Variants in UNC5C observed in about 807,000 individuals in gnomAD.
UNC5C encodes the protein netrin receptor UNC5C.
A neutral mutation model predicts 99.8 loss-of-function variants in UNC5C; 47 were observed. The observed-to-expected ratio is 0.47, with a 90% confidence interval of 0.37 to 0.60. The LOEUF (loss-of-function observed/expected upper bound fraction) is 0.60, where lower values mean the gene tolerates loss of function less well. Among genes scored for constraint, UNC5C ranks in the 20% least tolerant of loss-of-function variants. The pLI, the probability that UNC5C is intolerant of heterozygous loss-of-function variation, is 0.00. For missense variants in UNC5C, 1,062 were observed against 1,165.9 expected (o/e 0.91, Z 1.30); for synonymous variants, 487 against 452.2 (o/e 1.08, Z -0.98).
At chr4:95,229,797 CTTTTTTTTT>C (rs71583694) in intron 7 of UNC5C, among the ~76,000 whole-genome samples, 5 of 79,554 alleles carry the variant, frequency 6.3e-5, no homozygotes, top group Admixed American at 1.3e-4. Flanking sequence ...CTGTTGTTTC[CTTTTTTTTT>C]TTTTTTTTTT....
intron 4 of UNC5C, among the ~76,000 whole-genome samples, chr4:95,259,650 G>A (rs1360200185): frequency 6.6e-6 from 1 of 151,736 alleles, no homozygotes; most frequent in East Asian, 1.9e-4. Context: ...TGCTTTATAG[G>A]TATTAACATT....
chr4:95,340,059 G>A (rs1239898491), intron 1 of UNC5C, among the ~76,000 whole-genome samples: 1 of 151,746 alleles, frequency 6.6e-6, no homozygotes, highest in Non-Finnish European at 1.5e-5. Flanking sequence ...GGCTTTTGCT[G>A]TTTCATTTAT....
rs932478157 is a variant in UNC5C, at chr4:95,322,668, G to T, written c.346+12742C>A. 3.3e-5 allele frequency among the ~76,000 whole-genome samples: 5 copies of T among 152,030 alleles called. No homozygotes were observed. In the East Asian group the frequency reaches 9.6e-4, roughly 29 times the overall value. Reference sequence around the variant, plus strand: ...AATGGTTGAATATTGGCCAGGCACGGTGGCTCACACCTATAATCCCAGCAC... The same window carrying T: ...AATGGTTGAATATTGGCCAGGCACGTTGGCTCACACCTATAATCCCAGCAC... On this transcript the variant is annotated intron_variant, in intron 2 of 15. Transcript: ENST00000453304.
In UNC5C at chr4:95,301,671, C is replaced by T; in HGVS notation, c.425G>A (p.Cys142Tyr). The T allele has an allele frequency of 6.2e-7, 1 of 1,613,756 alleles. No homozygotes were observed. The change falls in exon 3 of 16, where the codon TGC becomes TAC. Residue 142 changes from cysteine to tyrosine, a missense_variant. Around this residue, in one of 3 missense-constraint regions of UNC5C, gnomAD observed 249 missense variants for 295.1 expected, o/e 0.84. Coordinates refer to ENST00000453304, the MANE Select transcript of UNC5C (RefSeq NM_003728.4). ...CGCGGAGCTCCAGGCCACACACTGGCACCAGTAATCTTCAGGTCCAAAGAG... is the reference window on the plus strand; with the variant it reads ...CGCGGAGCTCCAGGCCACACACTGGTACCAGTAATCTTCAGGTCCAAAGAG... ...EELFGPEDYW[C>Y]QCVAWSSAGT...
intron 1 of UNC5C, among the ~76,000 whole-genome samples, chr4:95,411,236 C>T (rs186953701): frequency 1.9e-4 from 29 of 152,170 alleles, no homozygotes; most frequent in African/African-American, 6.7e-4. Flanking sequence ...TAACTTTCTG[C>T]CTGAAACGTC....
chr4:95,226,146 TG>T (rs1560741691), intron 7 of UNC5C, among the ~76,000 whole-genome samples: 1 of 152,232 alleles, frequency 6.6e-6, no homozygotes, highest in Non-Finnish European at 1.5e-5. Flanking sequence ...ACCGACAGCC[TG>T]GTTCAAAAGT....
chr4:95,353,347 A>C (rs894467851), intron 1 of UNC5C, among the ~76,000 whole-genome samples: 1 of 152,078 alleles, frequency 6.6e-6, no homozygotes, highest in Non-Finnish European at 1.5e-5. Context: ...TGGATAGATT[A>C]TATATTATAA....
intron 1 of UNC5C, among the ~76,000 whole-genome samples, chr4:95,465,296 C>T (rs1256182374): frequency 1.3e-5 from 2 of 152,136 alleles, no homozygotes; most frequent in Non-Finnish European, 1.5e-5. Context: ...TGCAGCCAGT[C>T]CCTCCCATCT....
At chr4:95,424,202 A>T (rs1227434908) in intron 1 of UNC5C, among the ~76,000 whole-genome samples, 1 of 152,166 alleles carries the variant, frequency 6.6e-6, no homozygotes, top group African/African-American at 2.4e-5. Flanking sequence ...TACTAAGATA[A>T]CATGAAAATA....
intron 3 of UNC5C, among the ~76,000 whole-genome samples, chr4:95,296,400 T>C (rs1741672529): frequency 6.6e-6 from 1 of 152,120 alleles, no homozygotes; most frequent in African/African-American, 2.4e-5. Flanking sequence ...TGAAAATAGA[T>C]TGAAAAGCCA....
intron 1 of UNC5C, among the ~76,000 whole-genome samples, chr4:95,422,482 A>G (rs1336394915): frequency 6.6e-6 from 1 of 152,012 alleles, no homozygotes; most frequent in Non-Finnish European, 1.5e-5. Context: ...TCTTTGAGAC[A>G]TGTTTTTTTC....
At chr4:95,436,146 G>A (rs190595590) in intron 1 of UNC5C, among the ~76,000 whole-genome samples, 87 of 151,078 alleles carry the variant, frequency 5.8e-4, no homozygotes, top group Admixed American at 1.4e-3. Flanking sequence ...TTCAGAGTTG[G>A]TAATAACTGG....
At chr4:95,497,073 CGTTG>C (rs1243522672) in intron 1 of UNC5C, among the ~76,000 whole-genome samples, 1 of 151,850 alleles carries the variant, frequency 6.6e-6, no homozygotes, top group African/African-American at 2.4e-5. Flanking sequence ...TTTATCCACT[CGTTG>C]GTTGATGAGC....
chr4:95,254,724 C>T (rs1179391738), intron 4 of UNC5C, among the ~76,000 whole-genome samples: 1 of 152,180 alleles, frequency 6.6e-6, no homozygotes, highest in Non-Finnish European at 1.5e-5. Flanking sequence ...TCATCAATTA[C>T]AACTCCTCCA....
At chr4:95,283,718 G>GA (rs925901941) in intron 3 of UNC5C, among the ~76,000 whole-genome samples, 3 of 151,872 alleles carry the variant, frequency 2.0e-5, no homozygotes, top group Admixed American at 6.6e-5. Flanking sequence ...ATTCCTGTCA[G>GA]AAAAAAAAGA....
intron 2 of UNC5C, among the ~76,000 whole-genome samples, chr4:95,313,547 T>G (rs1407107066): frequency 1.3e-5 from 2 of 152,172 alleles, no homozygotes; most frequent in African/African-American, 4.8e-5. Context: ...GGAAACCAGG[T>G]ATATGTATCC....
intron 4 of UNC5C, among the ~76,000 whole-genome samples, chr4:95,273,906 T>A (rs1049700104): frequency 7.9e-5 from 12 of 152,068 alleles, no homozygotes; most frequent in African/African-American, 2.7e-4. Flanking sequence ...TAGGATTGCA[T>A]CTTCAGGGAC....
At chr4:95,439,579 G>A (rs763710409) in intron 1 of UNC5C, among the ~76,000 whole-genome samples, 5 of 152,066 alleles carry the variant, frequency 3.3e-5, no homozygotes, top group African/African-American at 7.2e-5. Context: ...ACATACTTCC[G>A]TGTTAATGTG....
chr4:95,201,802 C>A (rs1201883435), intron 12 of UNC5C, among the ~76,000 whole-genome samples: 1 of 152,166 alleles, frequency 6.6e-6, no homozygotes, highest in Non-Finnish European at 1.5e-5. Context: ...GACGGGGTTT[C>A]ACCGTGTTAG....
Sources: gnomAD v4.1 joint callset for allele counts (sites outside exome capture counted in the v4.1 genomes callset) on GRCh38, gnomAD v4.1.1 for gene constraint, gnomAD v4.1.1 regional missense constraint, MANE v1.5 for transcripts, NCBI Gene and HGNC (gene_info 2026-07-23, HGNC 2026-07-21) for gene names.